ANK2: variants seen among roughly 807,000 people sequenced by gnomAD.
ANK2 encodes ankyrin 2, also known as ankyrin-2.
In ANK2, 83 loss-of-function variants were observed where a neutral mutation model predicts 360.5. The ratio of observed to expected loss-of-function variants is 0.23; its 90% CI spans 0.19 to 0.28. The LOEUF is 0.28. Among genes scored for constraint, ANK2 ranks in the 10% least tolerant of loss-of-function variants. ANK2 has a pLI of 1.00. For missense variants in ANK2, 4,201 were observed against 4,795.7 expected (o/e 0.88, Z 3.66); for synonymous variants, 1,740 against 1,759.5 (o/e 0.99, Z 0.28).
upstream of ANK2, among the ~76,000 whole-genome samples, chr4:112,814,766 A>G (rs1348768242): frequency 6.6e-6 from 1 of 152,198 alleles, no homozygotes; most frequent in Admixed American, 6.5e-5. Context: ...AGCCTGTGCT[A>G]GAGTTTAGGA....
intron 1 of ANK2, among the ~76,000 whole-genome samples, chr4:112,893,766 G>A (rs550809765): frequency 1.2e-4 from 18 of 152,234 alleles, no homozygotes; most frequent in South Asian, 1.0e-3. Flanking sequence ...GAGCTGAGGC[G>A]GGCAGATCAC....
In ANK2 at chr4:113,358,541, C is replaced by A; in HGVS notation, c.9923C>A (p.Thr3308Asn). 6.2e-7 allele frequency: 1 copy of A among 1,614,088 alleles called. No homozygotes were observed. Among genetic ancestry groups the A allele is most frequent in the Non-Finnish European group, 8.5e-7 (1 of 1,179,972 alleles). ...AGCAAATCCAAAATTCCTGTAAGGACTATGCCCACTTCCACCCCAGCACCT... is the reference window on the plus strand; with the variant it reads ...AGCAAATCCAAAATTCCTGTAAGGAATATGCCCACTTCCACCCCAGCACCT... ...TESKSKIPVR[T>N]MPTSTPAPPS... is the part of the protein sequence containing the mutation. The change falls in exon 38 of 46, where the codon ACT becomes AAT. Residue 3308 changes from threonine to asparagine, a missense_variant. Physicochemically the swap from Thr to Asn is moderately conservative, Grantham distance 65 (BLOSUM62 0). Around this residue, in one of 4 missense-constraint regions of ANK2, gnomAD observed 2,642 missense variants for 2,714.5 expected, o/e 0.97. Coordinates refer to ENST00000357077, the MANE Select transcript of ANK2 (RefSeq NM_001148.6).
upstream of ANK2, among the ~76,000 whole-genome samples, chr4:112,813,348 C>G (rs1276707425): frequency 6.6e-6 from 1 of 151,610 alleles, no homozygotes; most frequent in African/African-American, 2.4e-5. Context: ...CAACATGTTT[C>G]CCAAAAGCAG....
At chr4:113,369,291 A>G (rs2096645753) in intron 42 of ANK2, among the ~76,000 whole-genome samples, 1 of 152,218 alleles carries the variant, frequency 6.6e-6, no homozygotes, top group African/African-American at 2.4e-5. Flanking sequence ...TGTCTTTAGA[A>G]TAATAACATC....
intron 24 of ANK2, among the ~76,000 whole-genome samples, chr4:113,315,589 T>A (rs1329636662): frequency 6.6e-6 from 1 of 151,902 alleles, no homozygotes; most frequent in Non-Finnish European, 1.5e-5. Flanking sequence ...AAAATAAAGG[T>A]GAATAGAATT....
intron 2 of ANK2, among the ~76,000 whole-genome samples, chr4:113,018,175 C>A (rs907320089): frequency 2.0e-5 from 3 of 152,136 alleles, no homozygotes; most frequent in African/African-American, 7.2e-5. Context: ...GTTCTGTAGC[C>A]GGAGGCAACT....
chr4:112,923,843 A>G (rs72892446), intron 2 of ANK2, among the ~76,000 whole-genome samples: 6,058 of 152,298 alleles, frequency 0.04, 191 homozygotes, highest in African/African-American at 0.082. Flanking sequence ...ATTTGATTCA[A>G]ACCAGAAGGA....
At chr4:112,843,136 T>C (rs1225185361) in intron 1 of ANK2, among the ~76,000 whole-genome samples, 1 of 152,234 alleles carries the variant, frequency 6.6e-6, no homozygotes, top group Non-Finnish European at 1.5e-5. Flanking sequence ...AAATCCTTAA[T>C]TTAATCACAC....
At chr4:113,038,860 G>A (rs574140239) in intron 2 of ANK2, among the ~76,000 whole-genome samples, 232 of 152,166 alleles carry the variant, frequency 1.5e-3, no homozygotes, top group Non-Finnish European at 2.9e-3. Context: ...CAAGAAATCA[G>A]GTATGTGAGT....
upstream of ANK2, among the ~76,000 whole-genome samples, chr4:112,815,036 G>A (rs1396464800): frequency 6.7e-6 from 1 of 149,104 alleles, no homozygotes. Flanking sequence ...TTATGATGGA[G>A]TCTCAAAGTC....
rs1042431509 is a variant in ANK2 at position 113,274,666 on chromosome 4, C to A, written c.1683+17C>A. ...GCTACCAAGGTAAGGAGAATGACAT[C>A]ATGAGAACATGGACCAAGAGGATTC... On this transcript the variant is annotated intron_variant, in intron 15 of 45. Coordinates refer to ENST00000357077, the MANE Select transcript of ANK2 (RefSeq NM_001148.6). 1.2e-6 allele frequency: 2 copies of A among 1,612,840 alleles called. No individual in the cohort carries two copies. The highest frequency in any genetic ancestry group is 1.7e-6 in the Non-Finnish European group (2 of 1,179,230).
intron 13 of ANK2, among the ~76,000 whole-genome samples, chr4:113,259,853 C>T (rs1408435933): frequency 7.1e-6 from 1 of 141,398 alleles, no homozygotes; most frequent in Non-Finnish European, 1.5e-5. Flanking sequence ...GATTTACGTA[C>T]AGGCCAGTAA....
intron 2 of ANK2, among the ~76,000 whole-genome samples, chr4:112,974,842 A>C (rs1219158508): frequency 2.6e-5 from 4 of 151,574 alleles, no homozygotes; most frequent in Non-Finnish European, 1.5e-5. Context: ...AAAAGTATAG[A>C]AAAAGAAAAA....
At chr4:113,174,362 G>T in intron 1 of ANK2, 54 bp from the exon 2 acceptor site, 1 of 1,417,838 alleles carries the variant, frequency 7.1e-7, no homozygotes, top group Non-Finnish European at 9.8e-7. Flanking sequence ...TTCTGTATTG[G>T]ATACATTTCT....
At chr4:112,738,533 C>T in the ANK2 span, 1 of 378,898 alleles carries the variant, frequency 2.6e-6, no homozygotes, top group Admixed American at 3.6e-5. Context: ...GTAGTAAGGG[C>T]TGTATGCTGC....
At chr4:113,177,669 G>A (rs2098269569) in intron 2 of ANK2, among the ~76,000 whole-genome samples, 1 of 152,132 alleles carries the variant, frequency 6.6e-6, no homozygotes, top group Non-Finnish European at 1.5e-5. Context: ...CATATTTATA[G>A]ACCATCTTAG....
chr4:113,338,766 G>A (rs1057191142), intron 31 of ANK2, among the ~76,000 whole-genome samples: 2 of 151,804 alleles, frequency 1.3e-5, no homozygotes, highest in African/African-American at 4.8e-5. Flanking sequence ...AGCCAGGATG[G>A]TCTTGATCTC....
chr4:113,123,737 T>G (rs1304160003), intron 1 of ANK2, among the ~76,000 whole-genome samples: 1 of 152,142 alleles, frequency 6.6e-6, no homozygotes, highest in Non-Finnish European at 1.5e-5. Flanking sequence ...CCATATATTT[T>G]TAAAGCTCCC....
At chr4:113,359,509 C>T (rs1483657078) in intron 38 of ANK2, among the ~76,000 whole-genome samples, 1 of 152,090 alleles carries the variant, frequency 6.6e-6, no homozygotes, top group Non-Finnish European at 1.5e-5. Flanking sequence ...AATGAGAATG[C>T]TTATGGAAAA....
Sources: gnomAD v4.1 joint callset for allele counts (sites outside exome capture counted in the v4.1 genomes callset) on GRCh38, gnomAD v4.1.1 for gene constraint, gnomAD v4.1.1 regional missense constraint, MANE v1.5 for transcripts, NCBI Gene and HGNC (gene_info 2026-07-23, HGNC 2026-07-21) for gene names.